Variants in SMOC1 observed in about 807,000 individuals in gnomAD.
SMOC1 encodes the protein SPARC related modular calcium binding 1, also known as SPARC-related modular calcium-binding protein 1.
SMOC1 carries 22 observed loss-of-function variants against 56.3 expected under a neutral mutation model. The ratio of observed to expected loss-of-function variants is 0.39; its 90% confidence interval spans 0.28 to 0.56. The LOEUF is 0.56. Among genes scored for constraint, SMOC1 ranks in the 20% least tolerant of loss-of-function variants. The pLI, the probability that SMOC1 is intolerant of heterozygous loss-of-function variation, is 0.61. For missense variants in SMOC1, 509 were observed against 565.4 expected, an observed-to-expected ratio of 0.90 and a Z score of 1.01; for synonymous variants, 193 against 215.0, an observed-to-expected ratio of 0.90 and a Z score of 0.89.
At chr14:69,941,126 A>T (rs143982626) in intron 1 of SMOC1, among the ~76,000 whole-genome samples, 70 of 152,270 alleles carry the variant, frequency 4.6e-4, no homozygotes, top group Non-Finnish European at 8.5e-4. Flanking sequence ...ACGAGGATGC[A>T]TGCTTCTGGC....
rs536076126 is a variant in SMOC1, at chr14:69,942,786, A to G, written c.100-9352A>G. 1.8e-4 allele frequency among the ~76,000 whole-genome samples: 27 copies of G among 152,352 alleles called. No individual in the cohort carries two copies. The East Asian group carries it at 5.2e-3, about 29-fold the overall frequency. On this transcript the variant is annotated intron_variant, in intron 1 of 11. Coordinates refer to ENST00000361956, the MANE Select transcript of SMOC1 (RefSeq NM_001034852.3). ...CACCTGCTTTTCTGAAAGATTGAGA[A>G]GGAGCATGGGTTTGGGGCTGCAGAC...
intron 1 of SMOC1, among the ~76,000 whole-genome samples, chr14:69,907,084 C>G (rs984035441): frequency 1.3e-5 from 2 of 152,250 alleles, no homozygotes; most frequent in Middle Eastern, 3.4e-3. Context: ...TGAACAACCT[C>G]TGGTGTAGAG....
intron 1 of SMOC1, among the ~76,000 whole-genome samples, chr14:69,902,114 T>C (rs981635776): frequency 1.3e-5 from 2 of 152,144 alleles, no homozygotes; most frequent in African/African-American, 4.8e-5. Flanking sequence ...TGGATTCAAT[T>C]TGGAGACTTT....
At chr14:69,939,878 G>A (rs1882483134) in intron 1 of SMOC1, among the ~76,000 whole-genome samples, 1 of 152,176 alleles carries the variant, frequency 6.6e-6, no homozygotes, top group Non-Finnish European at 1.5e-5. Context: ...CATGGTGAAA[G>A]CCAGGTCCAG....
chr14:69,971,764 C>T (rs1477299515), intron 3 of SMOC1, among the ~76,000 whole-genome samples: 2 of 152,224 alleles, frequency 1.3e-5, no homozygotes, highest in South Asian at 4.1e-4. Context: ...GATCGCTTTT[C>T]TGCAAGAAAC....
At chr14:70,020,527 G>C (rs541433397) in intron 10 of SMOC1, among the ~76,000 whole-genome samples, 5 of 152,252 alleles carry the variant, frequency 3.3e-5, no homozygotes, top group East Asian at 1.9e-4. Context: ...GGGCCTCACA[G>C]GGCAGGCTGT....
rs1036151426 is a variant in SMOC1 at position 69,910,885 on chromosome 14, T to C, written c.99+31108T>C. Among the ~76,000 whole-genome samples, 8 of 152,094 alleles carry C rather than the reference T, an allele frequency of 5.3e-5. No individual in the cohort carries two copies. In the East Asian group the frequency reaches 1.4e-3, roughly 26 times the overall value. ...TTTGGAAGCCTGAGACTGGGGACTT[T>C]AGTGGGAGCGGGTCTGTTGTCTGTG... is the stretch of plus-strand genomic sequence containing the variant. On this transcript the variant is annotated intron_variant, in intron 1 of 11. Transcript: ENST00000361956.
intron 1 of SMOC1, among the ~76,000 whole-genome samples, chr14:69,903,530 A>G (rs922841921): frequency 1.1e-4 from 16 of 152,228 alleles, no homozygotes; most frequent in African/African-American, 3.6e-4. Flanking sequence ...AGAAGTAGAC[A>G]TAGGAGACTC....
At chr14:70,023,115 T>C in intron 10 of SMOC1, 88 bp from the exon 11 acceptor site, 5 of 1,606,454 alleles carry the variant, frequency 3.1e-6, no homozygotes, top group Non-Finnish European at 3.4e-6. Flanking sequence ...TCTACCTGAC[T>C]TTCTGGGGGC....
intron 7 of SMOC1, among the ~76,000 whole-genome samples, chr14:70,009,891 GA>G (rs891472413): frequency 1.3e-5 from 2 of 151,094 alleles, no homozygotes; most frequent in African/African-American, 4.9e-5. Flanking sequence ...AACAAAACCA[GA>G]AAAAAAAAGA....
At chr14:70,029,410 T>C (rs568816641) in intron 11 of SMOC1, among the ~76,000 whole-genome samples, 1 of 152,290 alleles carries the variant, frequency 6.6e-6, no homozygotes, top group Non-Finnish European at 1.5e-5. Context: ...TCTTAGTGGA[T>C]AGCTGAGGGA....
intron 1 of SMOC1, among the ~76,000 whole-genome samples, chr14:69,943,476 A>T (rs1179552494): frequency 6.6e-6 from 1 of 152,180 alleles, no homozygotes; most frequent in Non-Finnish European, 1.5e-5. Flanking sequence ...TGGGTGAGTG[A>T]TGTTTTAATG....
chr14:69,988,123 T>C (rs982421685), intron 5 of SMOC1, among the ~76,000 whole-genome samples: 13 of 152,348 alleles, frequency 8.5e-5, no homozygotes, highest in Admixed American at 7.8e-4. Flanking sequence ...GAAAGCTACC[T>C]GCCAGGAACT....
chr14:69,913,455 CGT>C (rs71448304), intron 1 of SMOC1, among the ~76,000 whole-genome samples: 6 of 150,820 alleles, frequency 4.0e-5, no homozygotes, highest in East Asian at 1.9e-4. Context: ...AATGAATTGG[CGT>C]GTGTGTGTGT....
At position 69,898,171 on chromosome 14, in the gene SMOC1, A is replaced by G. The variant is rs532597611; in HGVS notation, c.99+18394A>G. 2.0e-5 allele frequency among the ~76,000 whole-genome samples: 3 copies of G among 152,264 alleles called. No homozygotes were observed. In the South Asian group the frequency reaches 6.2e-4, roughly 32 times the overall value. On this transcript the variant is annotated intron_variant, in intron 1 of 11. Coordinates refer to ENST00000361956, the MANE Select transcript of SMOC1 (RefSeq NM_001034852.3). ...AATTCTTATCTTTGCTCTTCTATACATAAGGTGTATTTTCCTTTGGCTTCT... is the reference window on the plus strand; with the variant it reads ...AATTCTTATCTTTGCTCTTCTATACGTAAGGTGTATTTTCCTTTGGCTTCT...
intron 1 of SMOC1, among the ~76,000 whole-genome samples, chr14:69,950,151 C>G (rs185955141): frequency 6.6e-6 from 1 of 152,138 alleles, no homozygotes; most frequent in African/African-American, 2.4e-5. Context: ...GAAGAGAAAG[C>G]GCAATTTCAC....
chr14:69,917,215 T>C (rs1242362632), intron 1 of SMOC1, among the ~76,000 whole-genome samples: 1 of 152,222 alleles, frequency 6.6e-6, no homozygotes, highest in Non-Finnish European at 1.5e-5. Context: ...AGAATGTTCT[T>C]CAGTTAAACA....
At chr14:69,888,672 CT>C (rs35906257) in intron 1 of SMOC1, among the ~76,000 whole-genome samples, 4 of 150,520 alleles carry the variant, frequency 2.7e-5, no homozygotes, top group Admixed American at 1.3e-4. Flanking sequence ...GGCTGAAAGC[CT>C]TTTTTTTTTC....
chr14:69,976,848 T>G (rs1421267944), intron 4 of SMOC1, among the ~76,000 whole-genome samples: 2 of 152,260 alleles, frequency 1.3e-5, no homozygotes. Context: ...ACAGTCTTGC[T>G]ATCATAGCTT....
Sources: allele counts gnomAD v4.1 joint callset (sites outside exome capture counted in the v4.1 genomes callset), GRCh38; gene constraint gnomAD v4.1.1; transcripts MANE v1.5; gene names NCBI Gene and HGNC (gene_info 2026-07-23, HGNC 2026-07-21).